STYXL1: variants seen among roughly 807,000 people sequenced by gnomAD.
The protein encoded by STYXL1 is serine/threonine/tyrosine interacting like 1.
A neutral mutation model predicts 36.4 loss-of-function variants in STYXL1; 32 were observed. The ratio of observed to expected loss-of-function variants is 0.88; its 90% CI spans 0.66 to 1.18. STYXL1 has a LOEUF of 1.18. Among genes scored for constraint, STYXL1 ranks in the 50% most tolerant of loss-of-function variants. The pLI is 0.00. For synonymous variants in STYXL1, 133 were observed against 144.1 expected (o/e 0.92, Z 0.55); for missense variants, 354 against 394.1 (o/e 0.90, Z 0.86).
chr7:76,023,820 C>T (rs1285360747), intron 3 of STYXL1, among the ~76,000 whole-genome samples: 1 of 152,028 alleles, frequency 6.6e-6, no homozygotes, highest in Non-Finnish European at 1.5e-5. Flanking sequence ...CGAGATCAGC[C>T]TGGCCAACAT....
Position 76,003,866 on chromosome 7 carries a change from G to A in STYXL1, c.600-11C>T. ...GCATCGCCTGCAAAACTACACGGAA[G>A]GACCACACAGGTCATCAGGTGGAAT... On this transcript the variant is annotated splice_polypyrimidine_tract_variant and intron_variant, in intron 6 of 8. Coordinates refer to ENST00000359697, the MANE Select transcript of STYXL1 (RefSeq NM_001317785.2). The A allele has an allele frequency of 1.2e-6, 2 of 1,613,408 alleles. No homozygotes were observed. Among genetic ancestry groups the A allele is most frequent in the South Asian group, 2.2e-5 (2 of 91,052 alleles).
chr7:76,040,699 G>A (rs1482582570), intron 1 of STYXL1, among the ~76,000 whole-genome samples: 1 of 152,068 alleles, frequency 6.6e-6, no homozygotes, highest in Non-Finnish European at 1.5e-5. Flanking sequence ...AGCCAGGCGT[G>A]GTGGCGCATA....
intron 5 of STYXL1, among the ~76,000 whole-genome samples, chr7:76,009,720 T>A (rs897493944): frequency 5.9e-5 from 9 of 152,166 alleles, no homozygotes; most frequent in African/African-American, 9.7e-5. Flanking sequence ...TTTAAAAAAA[T>A]TTTTGTGTAA....
chr7:76,024,221 G>C (rs548730350), intron 3 of STYXL1, among the ~76,000 whole-genome samples: 1 of 152,272 alleles, frequency 6.6e-6, no homozygotes, highest in Admixed American at 6.5e-5. Flanking sequence ...CATGGTTTGA[G>C]CAGAGAGAGG....
chr7:76,030,279 G>A (rs551673968), intron 2 of STYXL1, 142 bp downstream of exon 2: 24 of 638,004 alleles, frequency 3.8e-5, no homozygotes, highest in East Asian at 2.9e-4. Context: ...GATTACAGGC[G>A]TGTGCCACCA....
chr7:76,043,869 G>C (rs1796711559), intron 1 of STYXL1: 1 of 152,182 alleles, frequency 6.6e-6, no homozygotes, highest in Non-Finnish European at 1.5e-5. Context: ...CTTTACCTTT[G>C]AATTAAATTC....
chr7:76,042,390 C>CCTTTTTTTT (rs1796552134), intron 1 of STYXL1, among the ~76,000 whole-genome samples: 2 of 41,816 alleles, frequency 4.8e-5, no homozygotes, highest in Non-Finnish European at 1.1e-4. Flanking sequence ...CCCTTATGTG[C>CCTTTTTTTT]TTTTTTTTTT....
chr7:76,015,494 T>C (rs1554573528), intron 4 of STYXL1, among the ~76,000 whole-genome samples: 3 of 152,096 alleles, frequency 2.0e-5, no homozygotes, highest in African/African-American at 4.8e-5. Context: ...TCCAAAGCAA[T>C]TGCAACAAAA....
intron 1 of STYXL1, among the ~76,000 whole-genome samples, chr7:76,032,411 A>AT (rs1223501524): frequency 6.7e-6 from 1 of 150,344 alleles, no homozygotes; most frequent in Non-Finnish European, 1.5e-5. Context: ...AAAAAAAAAA[A>AT]AAAGAAGGAG....
intron 1 of STYXL1, among the ~76,000 whole-genome samples, chr7:76,037,063 C>T (rs149024544): frequency 0.015 from 2,184 of 150,072 alleles, 206 homozygotes; most frequent in Non-Finnish European, 0.023. Context: ...GGATTACAGG[C>T]GTGAGCCACC....
At position 76,008,545 on chromosome 7, in the gene STYXL1, C is replaced by T. The variant is rs559310695; in HGVS notation, c.454-3141G>A. ...AGCTTCGAAAGCCATTAGTAAAGAA[C>T]AGACACCAAGCTGAGCCAGTTCTCC... On this transcript the variant is annotated intron_variant, in intron 5 of 8. Transcript: ENST00000359697. Among the ~76,000 whole-genome samples the T allele has an allele frequency of 1.2e-4, 19 of 152,306 alleles. 2 individuals carry two copies. The South Asian group carries it at 3.5e-3, about 28-fold the overall frequency.
In STYXL1 at chr7:76,042,960, CTGAGGCTGGCG is replaced by C. The variant is rs369191821; in HGVS notation, c.-5+4691_-5+4701del. 2.3e-3 allele frequency among the ~76,000 whole-genome samples: 350 copies of C among 152,200 alleles called. 4 individuals are homozygous for C. Among genetic ancestry groups the C allele is most frequent in the African/African-American group, 8.1e-3 (336 of 41,532 alleles). On this transcript the variant is annotated intron_variant, in intron 1 of 8. Coordinates refer to ENST00000359697, the MANE Select transcript of STYXL1 (RefSeq NM_001317785.2). ...TGGTAATAGGCCTTGGGCTGGAAAT[CTGAGGCTGGCG>C]TGAGGCTGGCGAGCTGTTGGCAAAG...
chr7:76,035,227 G>A (rs1187950435), intron 1 of STYXL1, among the ~76,000 whole-genome samples: 1 of 130,702 alleles, frequency 7.7e-6, no homozygotes, highest in Non-Finnish European at 1.8e-5. Context: ...CTCTCCTGAT[G>A]AGGCAGTAGT....
chr7:76,010,831 G>A (rs1792461884), intron 5 of STYXL1, among the ~76,000 whole-genome samples: 2 of 152,180 alleles, frequency 1.3e-5, no homozygotes, highest in African/African-American at 4.8e-5. Context: ...GGGAAGAGAT[G>A]AGACTTGATT....
At chr7:76,023,553 T>A (rs912983431) in intron 3 of STYXL1, among the ~76,000 whole-genome samples, 2 of 151,766 alleles carry the variant, frequency 1.3e-5, no homozygotes, top group African/African-American at 4.8e-5. Context: ...TATCTATATA[T>A]ATAGATATAT....
At chr7:76,011,495 T>C (rs1792547926) in intron 5 of STYXL1, among the ~76,000 whole-genome samples, 1 of 152,240 alleles carries the variant, frequency 6.6e-6, no homozygotes, top group Non-Finnish European at 1.5e-5. Flanking sequence ...CATTCTATAC[T>C]ATGATTTCGA....
intron 4 of STYXL1, among the ~76,000 whole-genome samples, chr7:76,016,171 T>C (rs1275692659): frequency 2.6e-5 from 4 of 151,982 alleles, no homozygotes; most frequent in Non-Finnish European, 5.9e-5. Context: ...TATATACATA[T>C]GTACATTTAT....
Position 76,026,363 on chromosome 7 carries a change from T to C in STYXL1, c.165+2279A>G, listed in dbSNP as rs567504273. On this transcript the variant is annotated intron_variant, in intron 3 of 8. Coordinates refer to ENST00000359697, the MANE Select transcript of STYXL1 (RefSeq NM_001317785.2). ...CCCAGGCTGGAGTGCAGTGGTGCAATCAGCCTCCTGGACTCAAGTGATCCT... is the reference window on the plus strand; with the variant it reads ...CCCAGGCTGGAGTGCAGTGGTGCAACCAGCCTCCTGGACTCAAGTGATCCT... Among the ~76,000 whole-genome samples, 3 of 151,910 alleles carry C rather than the reference T, an allele frequency of 2.0e-5. No individual in the cohort carries two copies. In the East Asian group the frequency reaches 5.9e-4, roughly 30 times the overall value.
chr7:76,035,944 G>A (rs118067048), intron 1 of STYXL1, among the ~76,000 whole-genome samples: 2 of 149,886 alleles, frequency 1.3e-5, no homozygotes, highest in East Asian at 3.9e-4. Context: ...GTAAAGTGCT[G>A]GAAGGATGAG....
Sources: gnomAD v4.1 joint callset for allele counts (sites outside exome capture counted in the v4.1 genomes callset) on GRCh38, gnomAD v4.1.1 for gene constraint, MANE v1.5 for transcripts, NCBI Gene and HGNC (gene_info 2026-07-23, HGNC 2026-07-21) for gene names.